The following P2RY8 variants were observed in gnomAD, a reference collection of about 807,000 sequenced individuals.
P2RY8 encodes the protein P2Y receptor family member 8, also known as S-geranylgeranyl-glutathione receptor P2RY8.
P2RY8 carries 6 observed loss-of-function variants against 10.0 expected under a neutral mutation model. That is an observed-to-expected ratio of 0.60 (90% CI 0.33 to 1.19). The LOEUF (loss-of-function observed/expected upper bound fraction) is 1.19, where lower values mean the gene tolerates loss of function less well. P2RY8 is among the 50% of genes most tolerant of loss of function. The pLI is 0.04. For missense variants in P2RY8, 456 were observed against 542.0 expected, an observed-to-expected ratio of 0.84 and a Z score of 1.58; for synonymous variants, 276 against 252.5, an observed-to-expected ratio of 1.09 and a Z score of -0.88.
At chrX:1,524,022 C>T (rs1281962003) in intron 1 of P2RY8, among the ~76,000 whole-genome samples, 1 of 152,128 alleles carries the variant, frequency 6.6e-6, no homozygotes, top group Non-Finnish European at 1.5e-5. Flanking sequence ...TGAATTTCAC[C>T]TCAATAAATT....
At chrX:1,477,121 G>A (rs1216268424) in intron 1 of P2RY8, among the ~76,000 whole-genome samples, 6 of 151,950 alleles carry the variant, frequency 3.9e-5, no homozygotes, top group African/African-American at 1.2e-4. Flanking sequence ...CCTGGGAGGC[G>A]GAGGTTGCAG....
At position 1,493,089 on chromosome X, in the gene P2RY8, C is replaced by G. The variant is rs144667926; in HGVS notation, c.-24-26507G>C. On this transcript the variant is annotated intron_variant, in intron 1 of 1. Transcript: ENST00000381297. ...GATCATGAGGTCGGGAGTTCGAGATCAGCCTGGTCAACATAGTGAGACCCC... is the reference window on the plus strand; with the variant it reads ...GATCATGAGGTCGGGAGTTCGAGATGAGCCTGGTCAACATAGTGAGACCCC... 3.7e-3 allele frequency among the ~76,000 whole-genome samples: 561 copies of G among 151,228 alleles called. 3 individuals carry two copies. The highest frequency in any genetic ancestry group is 0.012 in the African/African-American group (508 of 41,116).
At chrX:1,471,412 C>CT (rs1216112741) in intron 1 of P2RY8, among the ~76,000 whole-genome samples, 36 of 149,214 alleles carry the variant, frequency 2.4e-4, no homozygotes, top group Non-Finnish European at 4.9e-4. Context: ...GATCCACCCT[C>CT]CTCGGCCTCC....
chrX:1,531,068 G>GTCTATCTATCTATCTA (rs1231360384), intron 1 of P2RY8, among the ~76,000 whole-genome samples: 7,007 of 149,862 alleles, frequency 0.047, 196 homozygotes, highest in Middle Eastern at 0.064. Flanking sequence ...CTGTCTGTCT[G>GTCTATCTATCTATCTA]TCTATCTATC....
intron 1 of P2RY8, among the ~76,000 whole-genome samples, chrX:1,487,117 C>T (rs866643338): frequency 6.6e-6 from 1 of 152,160 alleles, no homozygotes; most frequent in Non-Finnish European, 1.5e-5. Flanking sequence ...CTTGGCTGGG[C>T]CTGAGTGGAG....
intron 1 of P2RY8, among the ~76,000 whole-genome samples, chrX:1,468,759 C>T (rs112449253): frequency 0.82 from 8,576 of 10,452 alleles, 3,409 homozygotes; most frequent in East Asian, 0.96. Context: ...CTCCCCTCTC[C>T]CCTCTCCCCT....
intron 1 of P2RY8, among the ~76,000 whole-genome samples, chrX:1,531,060 G>C (rs113173462): frequency 7.6e-6 from 1 of 131,590 alleles, no homozygotes; most frequent in Non-Finnish European, 1.7e-5. Flanking sequence ...CTATCTGTCT[G>C]TCTGTCTGTC....
intron 1 of P2RY8, among the ~76,000 whole-genome samples, chrX:1,498,356 A>G (rs1210274150): frequency 3.7e-3 from 521 of 140,686 alleles, no homozygotes; most frequent in Non-Finnish European, 5.8e-3. Flanking sequence ...CAGTGAGCCG[A>G]GATCGCGCCA....
intron 1 of P2RY8, among the ~76,000 whole-genome samples, chrX:1,522,016 G>A (rs1394187310): frequency 2.9e-5 from 4 of 138,148 alleles, no homozygotes; most frequent in Non-Finnish European, 6.1e-5. Context: ...GCAATGGTGC[G>A]ATCTCGGCTC....
At chrX:1,467,452 T>TC (rs2091703005) in intron 1 of P2RY8, among the ~76,000 whole-genome samples, 1 of 152,022 alleles carries the variant, frequency 6.6e-6, no homozygotes, top group Non-Finnish European at 1.5e-5. Context: ...TCAGCACCGC[T>TC]CCCCACGGCC....
chrX:1,503,634 C>G lies in P2RY8; in HGVS notation c.-25+33287G>C, dbSNP rs2092200706. ...AATTAGCCAGGTGTGGTGGCTCACA[C>G]CTGTAATCCCAGCACTTTGGGAGGC... On this transcript the variant is annotated intron_variant, in intron 1 of 1. Coordinates refer to ENST00000381297, the MANE Select transcript of P2RY8 (RefSeq NM_178129.5). Among the ~76,000 whole-genome samples, 5 of 152,096 alleles carry G rather than the reference C, an allele frequency of 3.3e-5. No homozygotes were observed. The South Asian group carries it at 1.0e-3, about 32-fold the overall frequency.
At chrX:1,524,409 G>GCATCCATCCATC (rs1206670236) in intron 1 of P2RY8, among the ~76,000 whole-genome samples, 26 of 109,898 alleles carry the variant, frequency 2.4e-4, no homozygotes, top group African/African-American at 8.2e-4. Flanking sequence ...ATCCATGCAT[G>GCATCCATCCATC]CATCCATCCA....
At chrX:1,480,115 A>G (rs1321803230) in intron 1 of P2RY8, among the ~76,000 whole-genome samples, 1 of 152,158 alleles carries the variant, frequency 6.6e-6, no homozygotes, top group African/African-American at 2.4e-5. Context: ...AACACAGGGA[A>G]TATCACCAAA....
At chrX:1,530,145 GTATGTATGTATGATCTATC>G (rs1365177570) in intron 1 of P2RY8, among the ~76,000 whole-genome samples, 1,806 of 14,730 alleles carry the variant, frequency 0.12, 28 homozygotes, top group South Asian at 0.34. Context: ...ATGTATGTAT[GTATGTATGTATGATCTATC>G]TATCTATCTA....
intron 1 of P2RY8, among the ~76,000 whole-genome samples, chrX:1,521,682 A>G (rs1329012788): frequency 1.3e-5 from 2 of 152,058 alleles, no homozygotes; most frequent in Admixed American, 6.6e-5. Flanking sequence ...ACGGCAAAGG[A>G]AGGTGTGTTT....
chrX:1,519,331 C>A (rs2092374100), intron 1 of P2RY8, among the ~76,000 whole-genome samples: 1 of 150,954 alleles, frequency 6.6e-6, no homozygotes, highest in African/African-American at 2.4e-5. Flanking sequence ...CCCTAATAAT[C>A]TCTCTGGTCT....
At chrX:1,508,109 C>G (rs2092252311) in intron 1 of P2RY8, among the ~76,000 whole-genome samples, 1 of 152,218 alleles carries the variant, frequency 6.6e-6, no homozygotes, top group Non-Finnish European at 1.5e-5. Flanking sequence ...TGGCCTAGGG[C>G]AGGTCACATA....
chrX:1,505,414 A>G (rs6645238), intron 1 of P2RY8, among the ~76,000 whole-genome samples: 38,227 of 152,160 alleles, frequency 0.25, 6,488 homozygotes, highest in East Asian at 0.77. Context: ...CAGCAAGGAC[A>G]GGGCTGAAAA....
At chrX:1,484,724 TAAAAAAAAA>T (rs1171758279) in intron 1 of P2RY8, among the ~76,000 whole-genome samples, 3 of 16,792 alleles carry the variant, frequency 1.8e-4, no homozygotes, top group African/African-American at 5.1e-4. Context: ...CAAAACCCTG[TAAAAAAAAA>T]AAAAAAAAAA....
Sources: gnomAD v4.1 joint callset for allele counts (sites outside exome capture counted in the v4.1 genomes callset) on GRCh38, gnomAD v4.1.1 for gene constraint, MANE v1.5 for transcripts, NCBI Gene and HGNC (gene_info 2026-07-23, HGNC 2026-07-21) for gene names.